TENM2: variants seen among roughly 807,000 people sequenced by gnomAD.
The protein encoded by TENM2 is teneurin-2.
In TENM2, 52 loss-of-function variants were observed where a neutral mutation model predicts 245.2. The observed-to-expected ratio is 0.21, with a 90% CI of 0.17 to 0.27. The LOEUF is 0.27. Among genes scored for constraint, TENM2 ranks in the 10% least tolerant of loss-of-function variants. The pLI is 1.00. For synonymous variants in TENM2, 1,363 were observed against 1,438.9 expected (o/e 0.95, Z 1.19); for missense variants, 3,046 against 3,666.8 (o/e 0.83, Z 4.37).
chr5:167,332,684 G>A (rs1463890733), intron 1 of TENM2, among the ~76,000 whole-genome samples: 1 of 152,100 alleles, frequency 6.6e-6, no homozygotes, highest in African/African-American at 2.4e-5. Flanking sequence ...CTTGTACTGG[G>A]TTGAGTTCAT....
intron 5 of TENM2, among the ~76,000 whole-genome samples, chr5:168,027,880 T>A (rs1409419176): frequency 6.6e-6 from 1 of 152,234 alleles, no homozygotes; most frequent in Non-Finnish European, 1.5e-5. Flanking sequence ...AGCACATAGG[T>A]ACTACGGCAG....
intron 12 of TENM2, among the ~76,000 whole-genome samples, chr5:168,149,944 C>T (rs1268857266): frequency 1.3e-5 from 2 of 152,158 alleles, no homozygotes; most frequent in Non-Finnish European, 1.5e-5. Flanking sequence ...TGATTTGTTT[C>T]CTCCCCTCCT....
chr5:167,239,988 G>A, the TENM2 span, among the ~76,000 whole-genome samples: 40 of 152,308 alleles, frequency 2.6e-4, no homozygotes, highest in African/African-American at 8.9e-4. Context: ...TGGTCAGGCT[G>A]GTCTCCAACT....
At chr5:167,820,604 A>T (rs1467442501) in intron 2 of TENM2, among the ~76,000 whole-genome samples, 2 of 152,232 alleles carry the variant, frequency 1.3e-5, no homozygotes, top group Middle Eastern at 3.4e-3. Context: ...TCCGGCTAAG[A>T]TTGGTTAATT....
intron 3 of TENM2, among the ~76,000 whole-genome samples, chr5:167,901,060 A>G (rs1775664247): frequency 6.6e-6 from 1 of 152,210 alleles, no homozygotes; most frequent in African/African-American, 2.4e-5. Context: ...CCTACATTCT[A>G]AGAACACGAC....
chr5:167,996,436 C>T (rs1023196234), intron 5 of TENM2, among the ~76,000 whole-genome samples: 5 of 152,162 alleles, frequency 3.3e-5, no homozygotes, highest in Non-Finnish European at 5.9e-5. Context: ...CAGGCCCTGG[C>T]ACAAACAATT....
chr5:167,606,319 G>C (rs897661351), intron 2 of TENM2, among the ~76,000 whole-genome samples: 1 of 152,110 alleles, frequency 6.6e-6, no homozygotes, highest in East Asian at 1.9e-4. Context: ...CAGGGTGCCA[G>C]CATGGTCAGG....
chr5:168,034,140 C>CATATATATGTGTATATATATATGTATAT (rs1787433205), intron 5 of TENM2, among the ~76,000 whole-genome samples: 2 of 93,140 alleles, frequency 2.1e-5, no homozygotes, highest in Non-Finnish European at 4.6e-5. Context: ...TATATGTATA[C>CATATATATGTGTATATATATATGTATAT]ATATATATGT....
At chr5:167,048,214 C>A in the TENM2 span, among the ~76,000 whole-genome samples, 3 of 152,156 alleles carry the variant, frequency 2.0e-5, no homozygotes, top group Non-Finnish European at 4.4e-5. Flanking sequence ...CCAAGGGAAT[C>A]ATAACATTGA....
At chr5:168,070,862 G>A (rs11134487) in intron 7 of TENM2, among the ~76,000 whole-genome samples, 13,316 of 143,844 alleles carry the variant, frequency 0.093, 694 homozygotes, top group East Asian at 0.19. Flanking sequence ...AAGGAAGGAA[G>A]GACGGGAGGG....
In TENM2 at chr5:167,698,679, G is replaced by GTTTTTTTTTTTTT. The variant is rs1225922111; in HGVS notation, c.503-177297_503-177285dup. 1.8e-3 allele frequency among the ~76,000 whole-genome samples: 179 copies of GTTTTTTTTTTTTT among 97,718 alleles called. 3 individuals carry two copies. Among genetic ancestry groups the GTTTTTTTTTTTTT allele is most frequent in the African/African-American group, 2.4e-3 (56 of 23,728 alleles). 64.1% of individuals were successfully genotyped at this position (97,718 alleles called of 152,430 possible). A position where few individuals can be genotyped will look rare whatever the true frequency, so the allele number is the denominator to read the frequency against. ...GTGTGTGTGTTTTGTTTTGTTTTTT[G>GTTTTTTTTTTTTT]TTTTTTTTTTTTTTTTTTTTTTGAG... is the stretch of plus-strand genomic sequence containing the variant. On this transcript the variant is annotated intron_variant, in intron 2 of 28. Transcript: ENST00000518659.
intron 2 of TENM2, among the ~76,000 whole-genome samples, chr5:167,642,887 A>T (rs1779703538): frequency 6.6e-6 from 1 of 152,170 alleles, no homozygotes; most frequent in Admixed American, 6.5e-5. Flanking sequence ...CAGTGCAGGG[A>T]TCATGTCTTC....
chr5:168,162,503 G>A (rs1160187140), intron 12 of TENM2, 108 bp from the exon 15 acceptor site: 3 of 1,247,316 alleles, frequency 2.4e-6, no homozygotes, highest in Admixed American at 2.3e-5. Context: ...CCACTGTGAG[G>A]CTGGCCCAGC....
intron 3 of TENM2, among the ~76,000 whole-genome samples, chr5:167,917,570 G>C (rs1315834216): frequency 1.3e-5 from 2 of 152,138 alleles, no homozygotes; most frequent in African/African-American, 4.8e-5. Context: ...GCTTGCTTGT[G>C]ACCTTGAAAA....
At chr5:167,880,716 A>G (rs1416180983) in intron 3 of TENM2, among the ~76,000 whole-genome samples, 1 of 152,234 alleles carries the variant, frequency 6.6e-6, no homozygotes, top group Non-Finnish European at 1.5e-5. Context: ...TAAATAAGAC[A>G]TAGAGCGCAC....
At chr5:167,646,817 G>C (rs139696594) in intron 2 of TENM2, among the ~76,000 whole-genome samples, 1 of 152,332 alleles carries the variant, frequency 6.6e-6, no homozygotes, top group African/African-American at 2.4e-5. Flanking sequence ...CGGCAAGCCA[G>C]ATGGCTCATG....
intron 2 of TENM2, among the ~76,000 whole-genome samples, chr5:167,803,257 C>T (rs1028259522): frequency 1.3e-5 from 2 of 152,080 alleles, no homozygotes; most frequent in African/African-American, 4.8e-5. Flanking sequence ...CCTAAAATTC[C>T]ACCAGTCAAG....
chr5:167,408,971 C>T (rs2127400174), intron 2 of TENM2, among the ~76,000 whole-genome samples: 2 of 151,008 alleles, frequency 1.3e-5, no homozygotes, highest in South Asian at 4.2e-4. Context: ...CACACACACA[C>T]ATACAATTTT....
intron 2 of TENM2, among the ~76,000 whole-genome samples, chr5:167,748,815 G>A (rs918962973): frequency 2.6e-5 from 4 of 151,904 alleles, no homozygotes; most frequent in East Asian, 1.9e-4. Context: ...AGAACAGCGC[G>A]GCGGAAACCA....
Sources: gnomAD v4.1 joint callset for allele counts (sites outside exome capture counted in the v4.1 genomes callset) on GRCh38, gnomAD v4.1.1 for gene constraint, MANE v1.5 for transcripts, NCBI Gene and HGNC (gene_info 2026-07-23, HGNC 2026-07-21) for gene names.